XDH: variants seen among roughly 807,000 people sequenced by gnomAD.
The protein encoded by XDH is xanthine dehydrogenase.
Under a neutral mutation model 156.1 loss-of-function variants are expected in XDH, and 138 were observed. The ratio of observed to expected loss-of-function variants is 0.88; its 90% CI spans 0.77 to 1.02. The LOEUF is 1.02. Ranked by LOEUF, XDH falls within the 50% of genes least tolerant of loss-of-function variation. The pLI is 0.00. For synonymous variants in XDH, 669 were observed against 625.7 expected (o/e 1.07, Z -1.03); for missense variants, 1,849 against 1,684.9 (o/e 1.10, Z -1.71).
At chr2:31,392,979 G>T (rs1686808069) in intron 6 of XDH, among the ~76,000 whole-genome samples, 1 of 152,028 alleles carries the variant, frequency 6.6e-6, no homozygotes, top group Non-Finnish European at 1.5e-5. Flanking sequence ...ATTTCATTTT[G>T]GTTTGAAAGC....
At chr2:31,362,096 A>G (rs1037966973) in intron 24 of XDH, among the ~76,000 whole-genome samples, 5 of 152,194 alleles carry the variant, frequency 3.3e-5, no homozygotes, top group African/African-American at 1.2e-4. Context: ...ATTACAAATG[A>G]GCACAGGACT....
chr2:31,398,724 A>T, intron 4 of XDH, 25 bp from the exon 5 acceptor site: 1 of 1,612,772 alleles, frequency 6.2e-7, no homozygotes, highest in Non-Finnish European at 8.5e-7. Flanking sequence ...TGACATAGAC[A>T]CCTGGGATGG....
chr2:31,379,952 T>G lies in XDH; in HGVS notation c.1157A>C (p.Asp386Ala). 6.2e-7 allele frequency: 1 copy of G among 1,614,032 alleles called. No individual in the cohort carries two copies. The highest frequency in any genetic ancestry group is 8.5e-7 in the Non-Finnish European group (1 of 1,180,016). ...TCTGTAGCCAGGGAAGAAGGTGTGG[T>G]CCATCTGGACAGTTCTCCTGGTGCC... ...SRGTRRTVQM[D>A]HTFFPGYRKT... is the part of the protein sequence containing the mutation. The change falls in exon 13 of 36, where the codon GAC becomes GCC. Residue 386 changes from aspartate to alanine, a missense_variant. Transcript: ENST00000379416.
At chr2:31,343,774 G>A (rs1044504043) in intron 31 of XDH, among the ~76,000 whole-genome samples, 9 of 142,948 alleles carry the variant, frequency 6.3e-5, no homozygotes, top group African/African-American at 1.7e-4. Context: ...TTTTTTGTGT[G>A]TATATATGTT....
intron 15 of XDH, among the ~76,000 whole-genome samples, chr2:31,375,145 C>G (rs528496969): frequency 6.6e-6 from 1 of 151,476 alleles, no homozygotes; most frequent in South Asian, 2.1e-4. Flanking sequence ...CCTGCCTCAG[C>G]TTCCCACGTA....
rs901974311 is a variant in XDH at position 31,377,302 on chromosome 2, C to G, written c.1243-65G>C. The stretch of plus-strand genomic sequence containing the variant: ...CTGTAGGGGCTGCAAATGGCAGACC[C>G]AAACCACAGGGCTATGAGGTGAGGT... On this transcript the variant is annotated intron_variant, in intron 13 of 35. Coordinates refer to ENST00000379416, the MANE Select transcript of XDH (RefSeq NM_000379.4). The G allele has an allele frequency of 6.9e-6, 11 of 1,586,670 alleles. No individual in the cohort carries two copies. The African/African-American group carries it at 1.2e-4, about 17-fold the overall frequency.
At chr2:31,357,508 T>A (rs1312819044) in intron 24 of XDH, among the ~76,000 whole-genome samples, 3 of 152,098 alleles carry the variant, frequency 2.0e-5, no homozygotes, top group African/African-American at 7.2e-5. Context: ...TAAATTGAAT[T>A]CATGGAGATA....
rs115339728 is a variant in XDH, at chr2:31,408,312, C to T, written c.43-2348G>A. ...CTTCATAAAGGCTTTCCTTATCACT[C>T]CAGCCACAAGTGGATTGCTATAGAG... On this transcript the variant is annotated intron_variant, in intron 1 of 35. Coordinates refer to ENST00000379416, the MANE Select transcript of XDH (RefSeq NM_000379.4). 5.8e-3 allele frequency among the ~76,000 whole-genome samples: 876 copies of T among 152,316 alleles called. 3 individuals are homozygous for T. Among genetic ancestry groups the T allele is most frequent in the Non-Finnish European group, 9.0e-3 (614 of 68,026 alleles).
At chr2:31,342,593 A>G (rs960822907) in intron 31 of XDH, among the ~76,000 whole-genome samples, 2 of 152,216 alleles carry the variant, frequency 1.3e-5, no homozygotes, top group Non-Finnish European at 2.9e-5. Context: ...GAGAGGTAAC[A>G]GATCCATCTG....
At chr2:31,358,251 A>G (rs113712903) in intron 24 of XDH, among the ~76,000 whole-genome samples, 1 of 152,336 alleles carries the variant, frequency 6.6e-6, no homozygotes, top group Non-Finnish European at 1.5e-5. Context: ...CTATCAGACC[A>G]CAGTGCAATT....
intron 12 of XDH, among the ~76,000 whole-genome samples, chr2:31,380,178 TAA>T (rs1686398525): frequency 6.6e-6 from 1 of 152,238 alleles, no homozygotes. Context: ...GGTGAATCTT[TAA>T]CAACCAGTTC....
At chr2:31,403,274 G>T (rs371914824) in intron 2 of XDH, 130 bp from the exon 3 acceptor site, 4 of 969,254 alleles carry the variant, frequency 4.1e-6, no homozygotes, top group Non-Finnish European at 4.6e-6. Context: ...AACCAAGGAA[G>T]GCAGCAGGCC....
At chr2:31,348,604 T>C (rs1685366801) in intron 27 of XDH, among the ~76,000 whole-genome samples, 1 of 152,210 alleles carries the variant, frequency 6.6e-6, no homozygotes, top group Admixed American at 6.5e-5. Context: ...AGGTCAAATA[T>C]CTGTCCTCAC....
At chr2:31,385,413 AC>A (rs1181984860) in intron 9 of XDH, among the ~76,000 whole-genome samples, 1 of 151,470 alleles carries the variant, frequency 6.6e-6, no homozygotes, top group Non-Finnish European at 1.5e-5. Flanking sequence ...GTCCATTCTG[AC>A]TCCATCAGCA....
At chr2:31,362,589 C>T (rs767894903) in intron 24 of XDH, among the ~76,000 whole-genome samples, 10 of 152,142 alleles carry the variant, frequency 6.6e-5, no homozygotes, top group East Asian at 1.9e-4. Context: ...TCAATTAGCT[C>T]GTCATAATTC....
chr2:31,399,752 C>A (rs1037556638), intron 4 of XDH, among the ~76,000 whole-genome samples: 1 of 152,304 alleles, frequency 6.6e-6, no homozygotes, highest in African/African-American at 2.4e-5. Flanking sequence ...TTTCACTTAG[C>A]TCTCATTTCT....
At chr2:31,361,386 C>T (rs1685772679) in intron 24 of XDH, among the ~76,000 whole-genome samples, 1 of 152,122 alleles carries the variant, frequency 6.6e-6, no homozygotes, top group South Asian at 2.1e-4. Context: ...CAGTTTATTC[C>T]AACATTAATT....
chr2:31,411,246 A>T (rs1276507100), intron 1 of XDH, among the ~76,000 whole-genome samples: 2 of 149,556 alleles, frequency 1.3e-5, no homozygotes, highest in African/African-American at 2.5e-5. Flanking sequence ...GCGCCACTGC[A>T]CTCCAGCCTG....
chr2:31,345,140 C>T (rs1308091409), intron 30 of XDH, among the ~76,000 whole-genome samples: 1 of 152,190 alleles, frequency 6.6e-6, no homozygotes, highest in Non-Finnish European at 1.5e-5. Context: ...CAGCCACACT[C>T]AAGAGCTAAA....
Sources: allele counts gnomAD v4.1 joint callset (sites outside exome capture counted in the v4.1 genomes callset), GRCh38; gene constraint gnomAD v4.1.1; transcripts MANE v1.5; gene names NCBI Gene and HGNC (gene_info 2026-07-23, HGNC 2026-07-21).